ZFP62: variants seen among roughly 807,000 people sequenced by gnomAD.
ZFP62 encodes the protein ZFP62 zinc finger protein.
Under a neutral mutation model 56.4 loss-of-function variants are expected in ZFP62, and 44 were observed. That is an observed-to-expected ratio of 0.78 (90% CI 0.61 to 1.00). The LOEUF (loss-of-function observed/expected upper bound fraction) is 1.00, where lower values mean the gene tolerates loss of function less well. ZFP62 is among the 50% of genes least tolerant of loss of function. The pLI is 0.00. For missense variants in ZFP62, 1,030 were observed against 1,085.7 expected, an observed-to-expected ratio of 0.95 and a Z score of 0.72; for synonymous variants, 421 against 388.9, an observed-to-expected ratio of 1.08 and a Z score of -0.97.
At chr5:180,860,671 T>C (rs1482946065) in intron 1 of ZFP62, 1 of 120,940 alleles carries the variant, frequency 8.3e-6, no homozygotes, top group South Asian at 3.1e-4. Context: ...CGGGAGCTTA[T>C]CATCATCACT....
chr5:180,851,142 C>A lies in ZFP62; in HGVS notation c.353G>T (p.Arg118Leu), dbSNP rs140539381. 2 of 1,551,730 alleles carry A rather than the reference C, an allele frequency of 1.3e-6. No individual in the cohort carries two copies. Among genetic ancestry groups the A allele is most frequent in the Non-Finnish European group, 1.7e-6 (2 of 1,146,998 alleles). ...GGAGGTTCCATTAATGTTCTCCACA[C>A]GTTTGCCTTGCTCACTGCCTCTCTG... ...IGQRGSEQGK[R>L]VENINGTSYP... Residue 118 changes from arginine (R) to leucine (L), a missense_variant, in exon 2 of 2, where the codon CGT becomes CTT. By Grantham distance (102) the Arg-to-Leu change is moderately radical. Coordinates refer to ENST00000502412, the MANE Select transcript of ZFP62 (RefSeq NM_001172638.2).
At position 180,850,424 on chromosome 5, in the gene ZFP62, G is replaced by A; in HGVS notation, c.1071C>T (p.Val357=). Residue 357 remains valine, a synonymous_variant, in exon 2 of 2, where the codon GTC becomes GTT. Transcript: ENST00000502412. ...CATAAGGTTTCTCTCCAGTGTGGAT[G>A]ACTTTATGCTGAATGAGAAGAGAGC... ...NYSSLLIQHK[V]IHTGEKPYEC... 1 of 1,556,502 alleles carries A rather than the reference G, an allele frequency of 6.4e-7. No homozygotes were observed. The highest frequency in any genetic ancestry group is 8.7e-7 in the Non-Finnish European group (1 of 1,150,114).
chr5:180,835,814 T>G, the ZFP62 span: 1 of 152,296 alleles, frequency 6.6e-6, no homozygotes, highest in African/African-American at 2.4e-5. Context: ...GTATGAAACT[T>G]TATTTGAAAT....
chr5:180,839,820 C>T, the ZFP62 span, among the ~76,000 whole-genome samples: 2 of 152,212 alleles, frequency 1.3e-5, no homozygotes, highest in African/African-American at 2.4e-5. Context: ...TGTTCCAGAT[C>T]TGCTTGCCTC....
chr5:180,851,998 G>C (rs149539932), intron 1 of ZFP62: 2 of 986,508 alleles, frequency 2.0e-6, no homozygotes, highest in Admixed American at 1.2e-4. Context: ...CTGGGGAGGG[G>C]TATCAGGGAG....
chr5:180,844,874 T>G (rs1773378733), downstream of ZFP62, among the ~76,000 whole-genome samples: 2 of 152,230 alleles, frequency 1.3e-5, no homozygotes, highest in Non-Finnish European at 1.5e-5. Context: ...AGCATCTAGA[T>G]GCTGAGTCTT....
At chr5:180,831,979 CCCT>C in the ZFP62 span, 2 of 153,302 alleles carry the variant, frequency 1.3e-5, no homozygotes, top group Non-Finnish European at 2.9e-5. Context: ...CTCCTTGCTT[CCCT>C]CCTCCTCCCC....
intron 1 of ZFP62, among the ~76,000 whole-genome samples, chr5:180,855,159 G>A (rs972910868): frequency 3.3e-5 from 5 of 152,334 alleles, no homozygotes; most frequent in African/African-American, 1.2e-4. Context: ...GAAAGAGAGA[G>A]CAAGAGGACA....
At chr5:180,846,686 C>T (rs1157790203), downstream of ZFP62, among the ~76,000 whole-genome samples, 1 of 152,236 alleles carries the variant, frequency 6.6e-6, no homozygotes, top group East Asian at 1.9e-4. Context: ...GTCCTAGTCG[C>T]TGTCCTCTGA....
At position 180,850,776 on chromosome 5, in the gene ZFP62, A is replaced by G; in HGVS notation, c.719T>C (p.Leu240Pro). The G allele has an allele frequency of 6.3e-7, 1 of 1,596,528 alleles. No homozygotes were observed. Among genetic ancestry groups the G allele is most frequent in the Non-Finnish European group, 8.5e-7 (1 of 1,171,130 alleles). ...AGTGTGGATCCTTTTATGCTGGTCC[A>G]GAACAGAGCTATAATTGAAGGATTT... is the stretch of plus-strand genomic sequence containing the variant. ...CGKSFNYSSV[L>P]DQHKRIHTGE... is the part of the protein sequence containing the mutation. The change falls in exon 2 of 2, where the codon CTG (leucine) becomes CCG (proline). Residue 240 changes from leucine to proline, a missense_variant. Leu to Pro is a moderately conservative substitution (Grantham distance 98). Coordinates refer to ENST00000502412, the MANE Select transcript of ZFP62 (RefSeq NM_001172638.2).
At chr5:180,851,609 T>C in intron 1 of ZFP62, 116 bp from the exon 2 acceptor site, 1 of 1,197,252 alleles carries the variant, frequency 8.4e-7, no homozygotes, top group South Asian at 1.6e-5. Context: ...ACATACTGTG[T>C]GACAGGTACC....
the ZFP62 span, among the ~76,000 whole-genome samples, chr5:180,837,115 C>T: frequency 6.6e-6 from 1 of 152,196 alleles, no homozygotes; most frequent in Non-Finnish European, 1.5e-5. Flanking sequence ...GTCTCTATTT[C>T]AGGCCATCAG....
At chr5:180,842,856 A>G (rs991156596), downstream of ZFP62, among the ~76,000 whole-genome samples, 38 of 152,076 alleles carry the variant, frequency 2.5e-4, 1 homozygote, top group African/African-American at 9.2e-4. Context: ...AGCCTGGCCA[A>G]CACAGTGAAA....
chr5:180,835,173 C>CT, the ZFP62 span: 13 of 152,346 alleles, frequency 8.5e-5, no homozygotes, highest in African/African-American at 2.4e-4. Flanking sequence ...GCTCAGTGGA[C>CT]TGAGTAGGGA....
At chr5:180,858,413 T>C (rs1000927844) in intron 1 of ZFP62, among the ~76,000 whole-genome samples, 2 of 152,008 alleles carry the variant, frequency 1.3e-5, no homozygotes, top group African/African-American at 4.8e-5. Context: ...AAAACCAGCC[T>C]GGCCAATGAG....
chr5:180,848,068 G>A lies in ZFP62; in HGVS notation c.*724C>T, dbSNP rs907437739. 3.0e-6 allele frequency: 3 copies of A among 985,122 alleles called. No individual in the cohort carries two copies. The highest frequency in any genetic ancestry group is 1.8e-5 in the African/African-American group (1 of 57,142). 61.0% of individuals were successfully genotyped at this position (985,122 alleles called of 1,614,324 possible). On this transcript the variant is annotated 3_prime_UTR_variant, in exon 2 of 2. Coordinates refer to ENST00000502412, the MANE Select transcript of ZFP62 (RefSeq NM_001172638.2). ...CATCACAAATTCATCATTCATTATG[G>A]GAGTTCATCTGAAACTTTAAAAAAG...
Position 180,850,445 on chromosome 5 carries a change from A to C in ZFP62, c.1050T>G (p.Ser350=). The C allele has an allele frequency of 6.4e-7, 1 of 1,553,536 alleles. No individual in the cohort carries two copies. Among genetic ancestry groups the C allele is most frequent in the Non-Finnish European group, 8.7e-7 (1 of 1,148,108 alleles). The part of the protein sequence containing the change: ...DECEKSFNYS[S]LLIQHKVIHT... ...GGATGACTTTATGCTGAATGAGAAG[A>C]GAGCTATAATTAAAAGATTTCTCAC... Residue 350 remains serine (S), a synonymous_variant, in exon 2 of 2, where the codon TCT becomes TCG. Coordinates refer to ENST00000502412, the MANE Select transcript of ZFP62 (RefSeq NM_001172638.2).
chr5:180,848,699 CTG>C lies in ZFP62; in HGVS notation c.*91_*92del, dbSNP rs1773509747. On this transcript the variant is annotated 3_prime_UTR_variant, in exon 2 of 2. Transcript: ENST00000502412. ...ATCCTCTAGGATGGTTTCATTTACA[CTG>C]TGTAAATTACAAGCCATGACCCCCT... 1 of 1,440,066 alleles carries C rather than the reference CTG, an allele frequency of 6.9e-7. No individual in the cohort carries two copies. Among genetic ancestry groups the C allele is most frequent in the Admixed American group, 2.9e-5 (1 of 34,980 alleles). 89.2% of individuals were successfully genotyped at this position (1,440,066 alleles called of 1,614,324 possible). A position where few individuals can be genotyped will look rare whatever the true frequency, so the allele number is the denominator to read the frequency against.
At chr5:180,845,546 C>T (rs1047946555), downstream of ZFP62, among the ~76,000 whole-genome samples, 2 of 152,074 alleles carry the variant, frequency 1.3e-5, no homozygotes, top group South Asian at 2.1e-4. Context: ...ACCTGAGAAC[C>T]GCCAGGTCTA....
Sources: allele counts gnomAD v4.1 joint callset (sites outside exome capture counted in the v4.1 genomes callset), GRCh38; gene constraint gnomAD v4.1.1; transcripts MANE v1.5; gene names NCBI Gene and HGNC (gene_info 2026-07-23, HGNC 2026-07-21).